DLC1: variants seen among roughly 807,000 people sequenced by gnomAD.
The protein encoded by DLC1 is DLC1 Rho GTPase activating protein.
A neutral mutation model predicts 140.3 loss-of-function variants in DLC1; 54 were observed. The observed-to-expected ratio is 0.38, with a 90% CI of 0.31 to 0.48. The LOEUF is 0.48. Among genes scored for constraint, DLC1 ranks in the 20% least tolerant of loss-of-function variants. DLC1 has a pLI of 0.96. For synonymous variants in DLC1, 986 were observed against 728.1 expected (o/e 1.35, Z -5.70); for missense variants, 2,536 against 1,907.0 (o/e 1.33, Z -6.14).
chr8:13,301,099 G>A (rs1179671645), intron 5 of DLC1, among the ~76,000 whole-genome samples: 1 of 152,110 alleles, frequency 6.6e-6, no homozygotes, highest in Non-Finnish European at 1.5e-5. Context: ...CTCAGGGACT[G>A]TGGATACAGG....
At chr8:13,397,902 G>A (rs1344742849) in intron 3 of DLC1, among the ~76,000 whole-genome samples, 1 of 152,128 alleles carries the variant, frequency 6.6e-6, no homozygotes, top group Non-Finnish European at 1.5e-5. Context: ...GGAGGCCGAG[G>A]TGAGCAGATC....
At chr8:13,491,345 C>G (rs988805657) in intron 2 of DLC1, among the ~76,000 whole-genome samples, 1 of 151,942 alleles carries the variant, frequency 6.6e-6, no homozygotes, top group Non-Finnish European at 1.5e-5. Flanking sequence ...GTGACATTAC[C>G]CAGAAAAGCT....
At chr8:13,197,161 T>C (rs929011911) in intron 5 of DLC1, among the ~76,000 whole-genome samples, 1 of 152,174 alleles carries the variant, frequency 6.6e-6, no homozygotes. Context: ...GTAGTATTAA[T>C]AACATGTCAT....
intron 1 of DLC1, among the ~76,000 whole-genome samples, chr8:13,574,858 A>G (rs566493058): frequency 1.3e-5 from 2 of 152,274 alleles, no homozygotes; most frequent in Non-Finnish European, 1.5e-5. Flanking sequence ...AATACCTCCA[A>G]TTTTAAACAT....
chr8:13,100,214 A>T lies in DLC1; in HGVS notation c.2123T>A (p.Leu708Gln). 1 of 1,614,184 alleles carries T rather than the reference A, an allele frequency of 6.2e-7. No homozygotes were observed. Among genetic ancestry groups the T allele is most frequent in the Non-Finnish European group, 8.5e-7 (1 of 1,180,040 alleles). Residue 708 changes from leucine to glutamine, a missense_variant, in exon 9 of 18, where the codon CTG (leucine) becomes CAG (glutamine). Leu to Gln is a moderately radical substitution (Grantham distance 113, BLOSUM62 -2). Transcript: ENST00000276297. ...GATCTCCACGCAGTTGAGCTGCTTC[A>T]GCTTCTCCTCATCCATCCCCTCTTG... ...ILQEGMDEEK[L>Q]KQLNCVEISA...
Position 13,347,163 on chromosome 8 carries a change from C to G in DLC1, c.1315-41861G>C, listed in dbSNP as rs149886041. On this transcript the variant is annotated intron_variant, in intron 4 of 17. Coordinates refer to ENST00000276297, the MANE Select transcript of DLC1 (RefSeq NM_182643.3). ...CACTGTGGGTCACGGAATATGTTCC[C>G]CTTTGGAAAATGGGGGACTAATGTA... Among the ~76,000 whole-genome samples the G allele has an allele frequency of 5.5e-3, 830 of 152,190 alleles. 10 individuals are homozygous for G. The highest frequency in any genetic ancestry group is 0.019 in the African/African-American group (794 of 41,516).
chr8:13,401,664 T>A (rs749439183), intron 2 of DLC1, 45 bp from the exon 3 acceptor site: 1 of 1,584,134 alleles, frequency 6.3e-7, no homozygotes, highest in African/African-American at 1.4e-5. Context: ...AGGCCATTTC[T>A]TAATAAGAAT....
At position 13,453,214 on chromosome 8, in the gene DLC1, GAATGT is replaced by G. The variant is rs1260612834; in HGVS notation, c.1023+45830_1023+45834del. Reference sequence around the variant, plus strand: ...AATATATATTTACAAAATTAAAGAAGAATGTAATGTAATGATATATAAGCAAGCAT... The same window carrying G: ...AATATATATTTACAAAATTAAAGAAGAATGTAATGATATATAAGCAAGCAT... On this transcript the variant is annotated intron_variant, in intron 2 of 17. Coordinates refer to ENST00000276297, the MANE Select transcript of DLC1 (RefSeq NM_182643.3). Among the ~76,000 whole-genome samples, 8 of 148,244 alleles carry G rather than the reference GAATGT, an allele frequency of 5.4e-5. 1 individual carries two copies. Among genetic ancestry groups the G allele is most frequent in the African/African-American group, 1.7e-4 (7 of 40,630 alleles).
intron 5 of DLC1, among the ~76,000 whole-genome samples, chr8:13,202,180 G>A (rs1249102438): frequency 1.3e-5 from 2 of 152,116 alleles, no homozygotes; most frequent in South Asian, 2.1e-4. Flanking sequence ...TCTTGACCTC[G>A]TGATCCACCG....
chr8:13,425,971 T>C (rs962658936), intron 2 of DLC1, among the ~76,000 whole-genome samples: 2 of 152,098 alleles, frequency 1.3e-5, no homozygotes, highest in African/African-American at 2.4e-5. Context: ...CACCACCACA[T>C]CTGGCTAGTC....
At chr8:13,127,126 T>C (rs765818975) in intron 5 of DLC1, among the ~76,000 whole-genome samples, 6 of 152,242 alleles carry the variant, frequency 3.9e-5, no homozygotes, top group Admixed American at 1.3e-4. Flanking sequence ...TAAGATTTGC[T>C]GTGTTCTAGG....
intron 4 of DLC1, among the ~76,000 whole-genome samples, chr8:13,359,419 T>C (rs765988160): frequency 1.3e-5 from 2 of 152,216 alleles, no homozygotes; most frequent in African/African-American, 2.4e-5. Context: ...GACTTGGGAC[T>C]CAAATTATAA....
rs957202935 is a variant in DLC1 at position 13,366,052 on chromosome 8, A to G, written c.1314+27501T>C. On this transcript the variant is annotated intron_variant, in intron 4 of 17. Coordinates refer to ENST00000276297, the MANE Select transcript of DLC1 (RefSeq NM_182643.3). Reference sequence around the variant, plus strand: ...CAGTCAGGTGAATTTGGACCAAACAAGATTAATTTCTATGCTTTCAGCTCA... The same window carrying G: ...CAGTCAGGTGAATTTGGACCAAACAGGATTAATTTCTATGCTTTCAGCTCA... Among the ~76,000 whole-genome samples the G allele has an allele frequency of 4.6e-5, 7 of 152,332 alleles. No homozygotes were observed. The East Asian group carries it at 1.3e-3, about 29-fold the overall frequency.
At chr8:13,170,490 C>G (rs7845895) in intron 5 of DLC1, among the ~76,000 whole-genome samples, 86,871 of 152,024 alleles carry the variant, frequency 0.57, 25,167 homozygotes, top group East Asian at 0.85. Flanking sequence ...CAGCACTTTG[C>G]GGGGCCAAGG....
chr8:13,452,334 G>A (rs1799103862), intron 2 of DLC1, among the ~76,000 whole-genome samples: 1 of 151,902 alleles, frequency 6.6e-6, no homozygotes. Flanking sequence ...TACATCTATT[G>A]TATAAATTAA....
intron 2 of DLC1, among the ~76,000 whole-genome samples, chr8:13,446,352 A>G (rs1350626700): frequency 6.6e-6 from 1 of 152,160 alleles, no homozygotes; most frequent in Non-Finnish European, 1.5e-5. Context: ...TTTCTCTGCC[A>G]TTTTCAAATT....
chr8:13,141,026 G>C (rs183096206), intron 5 of DLC1, among the ~76,000 whole-genome samples: 3 of 152,028 alleles, frequency 2.0e-5, no homozygotes, highest in African/African-American at 7.2e-5. Flanking sequence ...AGGCCGAGGC[G>C]TGTGGATCAC....
chr8:13,258,711 C>T (rs1830358450), intron 5 of DLC1, among the ~76,000 whole-genome samples: 1 of 152,148 alleles, frequency 6.6e-6, no homozygotes, highest in Non-Finnish European at 1.5e-5. Context: ...ATAGTATGTC[C>T]TACATGAAGA....
chr8:13,117,535 C>A (rs1439512597), intron 5 of DLC1, among the ~76,000 whole-genome samples: 1 of 151,898 alleles, frequency 6.6e-6, no homozygotes, highest in African/African-American at 2.4e-5. Context: ...CCCCCTCCCA[C>A]AAAACATAGA....
Sources: gnomAD v4.1 joint callset for allele counts (sites outside exome capture counted in the v4.1 genomes callset) on GRCh38, gnomAD v4.1.1 for gene constraint, MANE v1.5 for transcripts, NCBI Gene and HGNC (gene_info 2026-07-23, HGNC 2026-07-21) for gene names.